ZP4: variants seen among roughly 807,000 people sequenced by gnomAD.
ZP4 encodes zona pellucida sperm-binding protein 4.
ZP4 carries 62 observed loss-of-function variants against 62.3 expected under a neutral mutation model. That is an observed-to-expected ratio of 0.99 (90% CI 0.81 to 1.23). The LOEUF (loss-of-function observed/expected upper bound fraction) is 1.23, where lower values mean the gene tolerates loss of function less well. Ranked by LOEUF, ZP4 falls within the 50% of genes most tolerant of loss-of-function variation. The probability of loss-of-function intolerance (pLI) is 0.00; values close to 1 mark genes in which losing one functional copy is unlikely to be tolerated. For synonymous variants in ZP4, 289 were observed against 247.3 expected, an observed-to-expected ratio of 1.17 and a Z score of -1.58; for missense variants, 774 against 656.0, an observed-to-expected ratio of 1.18 and a Z score of -1.97.
intron 6 of ZP4, 27 bp downstream of exon 6, chr1:237,886,744 G>A (rs1281398251): frequency 3.8e-6 from 6 of 1,596,492 alleles, no homozygotes; most frequent in African/African-American, 1.3e-5. Flanking sequence ...TATGGCAGAT[G>A]GGAAGTCATT....
chr1:237,883,738 A>AGGGCGGGG (rs1664987691), intron 10 of ZP4, among the ~76,000 whole-genome samples: 1 of 45,688 alleles, frequency 2.2e-5, no homozygotes, highest in Non-Finnish European at 5.4e-5. Flanking sequence ...GGAGGGAGAG[A>AGGGCGGGG]GAGGGAGAGA....
chr1:237,885,655 C>A, intron 7 of ZP4, 75 bp from the exon 8 acceptor site: 1 of 1,592,680 alleles, frequency 6.3e-7, no homozygotes, highest in Non-Finnish European at 8.5e-7. Context: ...CTTTAAATAG[C>A]CCCAAGCCCC....
At chr1:237,883,963 C>CAA (rs1558530618) in intron 10 of ZP4, among the ~76,000 whole-genome samples, 33 of 77,574 alleles carry the variant, frequency 4.3e-4, no homozygotes, top group African/African-American at 2.4e-3. Flanking sequence ...TGGTCACACA[C>CAA]ACAAACACAC....
Position 237,882,568 on chromosome 1 carries a change from G to A in ZP4, c.1496-19C>T, listed in dbSNP as rs1411349451. ...GGAACACCTGGAGGATGGATGGAAA[G>A]GTAGGTTAATGTATGCTAAAACCAA... On this transcript the variant is annotated intron_variant, in intron 11 of 11. Coordinates refer to ENST00000366570, the MANE Select transcript of ZP4 (RefSeq NM_021186.5). The A allele has an allele frequency of 3.8e-6, 6 of 1,589,498 alleles. 1 individual carries two copies. The highest frequency in any genetic ancestry group is 4.5e-5 in the East Asian group (2 of 44,618).
rs1665153014 is a variant in ZP4 at position 237,888,248 on chromosome 1, T to C, written c.553+110A>G. On this transcript the variant is annotated intron_variant, in intron 4 of 11. Coordinates refer to ENST00000366570, the MANE Select transcript of ZP4 (RefSeq NM_021186.5). ...AAGTGTTCTTGGATGCATGGCTACA[T>C]GGCAGCCTGCTATCACTTGATGTTT... 20 of 1,195,850 alleles carry C rather than the reference T, an allele frequency of 1.7e-5. No homozygotes were observed. The South Asian group carries it at 3.7e-4, about 22-fold the overall frequency. 74.1% of individuals were successfully genotyped at this position (1,195,850 alleles called of 1,614,324 possible).
intron 3 of ZP4, 145 bp from the exon 4 acceptor site, chr1:237,888,655 A>G: frequency 1.4e-6 from 1 of 719,822 alleles, no homozygotes; most frequent in Non-Finnish European, 2.1e-6. Context: ...GATAGTATTG[A>G]GAGGTTACAT....
In ZP4 at chr1:237,884,783, C is replaced by G. The variant is rs765117673; in HGVS notation, c.1376G>C (p.Cys459Ser). ...TGGTTACTCACGACTGAGATCAGGA[C>G]AGGTCACCACACAGGATGGTGTCTC... Reference protein sequence around the residue: ...PAETPSCVVTCPDLSRRRNFD... With the variant: ...PAETPSCVVTSPDLSRRRNFD... Residue 459 changes from cysteine (C) to serine (S), a missense_variant, in exon 10 of 12, where the codon TGT becomes TCT. Cys to Ser is a moderately radical substitution (Grantham distance 112). Coordinates refer to ENST00000366570, the MANE Select transcript of ZP4 (RefSeq NM_021186.5). 2.5e-6 allele frequency: 4 copies of G among 1,613,656 alleles called. No homozygotes were observed. Among genetic ancestry groups the G allele is most frequent in the Non-Finnish European group, 3.4e-6 (4 of 1,179,852 alleles).
intron 10 of ZP4, among the ~76,000 whole-genome samples, chr1:237,884,001 C>T (rs868415244): frequency 2.3e-5 from 2 of 85,426 alleles, no homozygotes; most frequent in African/African-American, 1.0e-4. Flanking sequence ...CACACACACA[C>T]ACACACACAC....
intron 1 of ZP4, 24 bp from the exon 2 acceptor site, chr1:237,890,200 GA>G: frequency 6.2e-7 from 1 of 1,613,286 alleles, no homozygotes; most frequent in Non-Finnish European, 8.5e-7. Flanking sequence ...GAAGAGGTGA[GA>G]AAACACAGCG....
Position 237,884,771 on chromosome 1 carries a change from C to T in ZP4, c.1388G>A (p.Ser463Asn), listed in dbSNP as rs775981829. The change falls in exon 10 of 12, where the codon AGT becomes AAT. Residue 463 changes from serine (S) to asparagine (N), a missense_variant and splice_region_variant. Transcript: ENST00000366570. ...CCTCTAACAGCTTGGTTACTCACGA[C>T]TGAGATCAGGACAGGTCACCACACA... is the stretch of plus-strand genomic sequence containing the variant. ...PSCVVTCPDL[S>N]RRRNFDNSSQ... The T allele has an allele frequency of 1.2e-6, 2 of 1,613,410 alleles. No homozygotes were observed. The highest frequency in any genetic ancestry group is 1.7e-6 in the Non-Finnish European group (2 of 1,179,716).
chr1:237,883,989 CACACACACACACACACACACACACACAA>C (rs1279781933), intron 10 of ZP4, among the ~76,000 whole-genome samples: 810 of 48,870 alleles, frequency 0.017, 15 homozygotes, highest in Middle Eastern at 0.043. Flanking sequence ...CACAAACACA[CACACACACACACACACACACACACACAA>C]ACACACACAC....
intron 10 of ZP4, among the ~76,000 whole-genome samples, chr1:237,883,996 ACACACACACACACACACACAAACACAC>A (rs879513847): frequency 7.3e-4 from 52 of 71,400 alleles, no homozygotes; most frequent in Non-Finnish European, 1.1e-3. Context: ...ACACACACAC[ACACACACACACACACACACAAACACAC>A]ACACACACAA....
chr1:237,890,042 G>A lies in ZP4; in HGVS notation c.297+13C>T, dbSNP rs1421118904. 1 of 1,614,144 alleles carries A rather than the reference G, an allele frequency of 6.2e-7. No homozygotes were observed. The highest frequency in any genetic ancestry group is 1.7e-5 in the Admixed American group (1 of 60,024). On this transcript the variant is annotated intron_variant, in intron 2 of 11. Coordinates refer to ENST00000366570, the MANE Select transcript of ZP4 (RefSeq NM_021186.5). Reference sequence around the variant, plus strand: ...GCTTCACACAGTCTCCCTGGCCATTGGGTCATACTCACCCACTCAGTGACA... The same window carrying A: ...GCTTCACACAGTCTCCCTGGCCATTAGGTCATACTCACCCACTCAGTGACA...
At position 237,890,696 on chromosome 1, in the gene ZP4, G is replaced by T. The variant is rs1410932347; in HGVS notation, c.-61C>A. 1.2e-5 allele frequency: 18 copies of T among 1,551,974 alleles called. No individual in the cohort carries two copies. Among genetic ancestry groups the T allele is most frequent in the Non-Finnish European group, 1.6e-5 (18 of 1,147,248 alleles). ...CCGCCTCCTCTCCCAAGAGCCGAGG[G>T]TCTGCCTGCCCAGATTCCTTTATAT... On this transcript the variant is annotated 5_prime_UTR_variant, in exon 1 of 12. Transcript: ENST00000366570.
intron 4 of ZP4, 93 bp downstream of exon 4, chr1:237,888,265 T>C (rs1665153654): frequency 4.4e-6 from 6 of 1,367,052 alleles, no homozygotes; most frequent in Admixed American, 2.4e-5. Context: ...CTGCTATCAC[T>C]TGATGTTTGC....
At chr1:237,885,139 G>T in intron 9 of ZP4, 26 bp downstream of exon 9, 1 of 1,609,140 alleles carries the variant, frequency 6.2e-7, no homozygotes, top group South Asian at 1.1e-5. Flanking sequence ...GAGCCCTGGT[G>T]AGTGTCATGG....
intron 1 of ZP4, 27 bp from the exon 2 acceptor site, chr1:237,890,203 A>G (rs1399886453): frequency 4.3e-6 from 7 of 1,613,170 alleles, no homozygotes; most frequent in African/African-American, 1.3e-5. Flanking sequence ...GAGGTGAGAA[A>G]ACACAGCGGT....
intron 6 of ZP4, 25 bp downstream of exon 6, chr1:237,886,746 G>A: frequency 6.2e-7 from 1 of 1,600,610 alleles, no homozygotes; most frequent in Non-Finnish European, 8.6e-7. Context: ...TGGCAGATGG[G>A]AAGTCATTCT....
chr1:237,886,385 ATT>A, intron 6 of ZP4, among the ~76,000 whole-genome samples: 1 of 146,688 alleles, frequency 6.8e-6, no homozygotes, highest in African/African-American at 2.5e-5. Flanking sequence ...CATCTTAAAG[ATT>A]TTTTTTTTTT....
Sources: allele counts gnomAD v4.1 joint callset (sites outside exome capture counted in the v4.1 genomes callset), GRCh38; gene constraint gnomAD v4.1.1; transcripts MANE v1.5; gene names NCBI Gene and HGNC (gene_info 2026-07-23, HGNC 2026-07-21).